The following TCL1A variants were observed in gnomAD, a reference collection of about 807,000 sequenced individuals.
TCL1A encodes T-cell leukemia/lymphoma protein 1A.
In TCL1A, 9 loss-of-function variants were observed where a neutral mutation model predicts 16.9. That is an observed-to-expected ratio of 0.53 (90% CI 0.32 to 0.93). The LOEUF (loss-of-function observed/expected upper bound fraction) is 0.93, where lower values mean the gene tolerates loss of function less well. TCL1A is among the 40% of genes least tolerant of loss of function. TCL1A has a pLI of 0.04. For missense variants in TCL1A, 139 were observed against 153.0 expected (o/e 0.91, Z 0.48); for synonymous variants, 69 against 63.2 (o/e 1.09, Z -0.44).
At chr14:95,712,779 A>AT in intron 1 of TCL1A, 2 of 804,388 alleles carry the variant, frequency 2.5e-6, no homozygotes, top group Non-Finnish European at 3.5e-6. Flanking sequence ...CTGTATCTAC[A>AT]GGAAAAAAAA....
Position 95,714,069 on chromosome 14 carries a change from CG to C in TCL1A, c.-4del, listed in dbSNP as rs774976994. The C allele has an allele frequency of 5.0e-6, 8 of 1,613,352 alleles. No homozygotes were observed. Among genetic ancestry groups the C allele is most frequent in the Non-Finnish European group, 5.9e-6 (7 of 1,179,966 alleles). On this transcript the variant is annotated 5_prime_UTR_variant, in exon 1 of 4. Coordinates refer to ENST00000402399, the MANE Select transcript of TCL1A (RefSeq NM_021966.3). Reference sequence around the variant, plus strand: ...CCGAGTGTCGGGCACTCGGCCATGGCGTCCTCGGGCCGCCTAAGAAGCAAGA... The same window carrying C: ...CCGAGTGTCGGGCACTCGGCCATGGCTCCTCGGGCCGCCTAAGAAGCAAGA...
chr14:95,712,151 A>G, intron 2 of TCL1A, 69 bp downstream of exon 2: 1 of 1,578,398 alleles, frequency 6.3e-7, no homozygotes, highest in Non-Finnish European at 8.7e-7. Flanking sequence ...AAGATAAACC[A>G]CTAAGGCCAG....
At chr14:95,712,780 G>GA in intron 1 of TCL1A, 5 of 775,540 alleles carry the variant, frequency 6.4e-6, no homozygotes, top group Admixed American at 3.1e-5. Context: ...TGTATCTACA[G>GA]GAAAAAAAAA....
chr14:95,713,998 C>T lies in TCL1A; in HGVS notation c.69G>A (p.Lys23=). ...GCTGCTTCTCGTCCAAATACACGAA[C>T]TTCTCCCAGGCCCACAGGCGGTCCG... ...DHPDRLWAWE[K]FVYLDEKQHA... The change falls in exon 1 of 4, where the codon AAG becomes AAA. Residue 23 remains lysine (K), a synonymous_variant. Coordinates refer to ENST00000402399, the MANE Select transcript of TCL1A (RefSeq NM_021966.3). 6.2e-7 allele frequency: 1 copy of T among 1,614,176 alleles called. No individual in the cohort carries two copies. The highest frequency in any genetic ancestry group is 8.5e-7 in the Non-Finnish European group (1 of 1,180,036).
chr14:95,713,727 C>T (rs1886462405), intron 1 of TCL1A, among the ~76,000 whole-genome samples: 1 of 152,312 alleles, frequency 6.6e-6, no homozygotes, highest in Non-Finnish European at 1.5e-5. Context: ...GGCACTGGGT[C>T]CACCCCTTTG....
chr14:95,713,433 C>A (rs903797665), intron 1 of TCL1A, among the ~76,000 whole-genome samples: 3 of 152,180 alleles, frequency 2.0e-5, no homozygotes, highest in Admixed American at 2.0e-4. Context: ...AATATTGATT[C>A]AATACCGGCG....
chr14:95,714,072 C>T lies in TCL1A; in HGVS notation c.-6G>A, dbSNP rs1030730682. Reference sequence around the variant, plus strand: ...AGTGTCGGGCACTCGGCCATGGCGTCCTCGGGCCGCCTAAGAAGCAAGAGC... The same window carrying T: ...AGTGTCGGGCACTCGGCCATGGCGTTCTCGGGCCGCCTAAGAAGCAAGAGC... On this transcript the variant is annotated 5_prime_UTR_variant, in exon 1 of 4. Coordinates refer to ENST00000402399, the MANE Select transcript of TCL1A (RefSeq NM_021966.3). 9.9e-6 allele frequency: 16 copies of T among 1,613,318 alleles called. No individual in the cohort carries two copies. The highest frequency in any genetic ancestry group is 1.4e-5 in the Non-Finnish European group (16 of 1,179,950).
intron 1 of TCL1A, among the ~76,000 whole-genome samples, 189 bp downstream of exon 1, chr14:95,713,758 T>A (rs1886468300): frequency 6.6e-6 from 1 of 152,196 alleles, no homozygotes; most frequent in Admixed American, 6.5e-5. Context: ...CTTTGCGGTT[T>A]TCCCACCCTT....
Position 95,712,064 on chromosome 14 carries a change from C to G in TCL1A, c.297+156G>C, listed in dbSNP as rs796556290. On this transcript the variant is annotated intron_variant, in intron 2 of 3. Coordinates refer to ENST00000402399, the MANE Select transcript of TCL1A (RefSeq NM_021966.3). ...AGAGACCTCAGAGGATCTATCTTCT[C>G]TCTGGTAAAGTCCTTTAGAAATCTG... The G allele has an allele frequency of 1.1e-4, 110 of 1,026,802 alleles. No homozygotes were observed. The African/African-American group carries it at 1.4e-3, about 13-fold the overall frequency. The allele number at this position is 1,026,802 out of a possible 1,614,324, so 63.6% of individuals were successfully genotyped here.
intron 2 of TCL1A, chr14:95,712,008 G>T: frequency 1.2e-6 from 1 of 864,148 alleles, no homozygotes; most frequent in South Asian, 1.7e-5. Context: ...GCTAGCTGGT[G>T]GCTGGGAGGA....
Position 95,714,031 on chromosome 14 carries a change from G to T in TCL1A, c.36C>A (p.Thr12=), listed in dbSNP as rs1413948025. 1 of 1,613,930 alleles carries T rather than the reference G, an allele frequency of 6.2e-7. No homozygotes were observed. Among genetic ancestry groups the T allele is most frequent in the African/African-American group, 1.3e-5 (1 of 74,948 alleles). ...AGGCCCACAGGCGGTCCGGGTGGTCGGTGACTGCCTCCCCGAGTGTCGGGC... is the reference window on the plus strand; with the variant it reads ...AGGCCCACAGGCGGTCCGGGTGGTCTGTGACTGCCTCCCCGAGTGTCGGGC... ...AECPTLGEAV[T]DHPDRLWAWE... Residue 12 remains threonine (T), a synonymous_variant, in exon 1 of 4, where the codon ACC becomes ACA. Transcript: ENST00000402399.
At position 95,710,597 on chromosome 14, in the gene TCL1A, CT is replaced by C; in HGVS notation, c.*290del. On this transcript the variant is annotated 3_prime_UTR_variant, in exon 4 of 4. Coordinates refer to ENST00000402399, the MANE Select transcript of TCL1A (RefSeq NM_021966.3). The stretch of plus-strand genomic sequence containing the variant: ...AAAGAGGCTGAAGACCATCATCCAG[CT>C]GAGAAAAGCCGAGGCACAGGTATAG... 1 of 152,654 alleles carries C rather than the reference CT, an allele frequency of 6.6e-6. No homozygotes were observed. Among genetic ancestry groups the C allele is most frequent in the African/African-American group, 2.4e-5 (1 of 41,556 alleles). 9.5% of individuals were successfully genotyped at this position (152,654 alleles called of 1,614,324 possible). A position where few individuals can be genotyped will look rare whatever the true frequency, so the allele number is the denominator to read the frequency against.
At chr14:95,713,905 C>A (rs1122138) in intron 1 of TCL1A, 42 bp downstream of exon 1, 266,789 of 1,607,004 alleles carry the variant, frequency 0.17, 23,904 homozygotes, top group African/African-American at 0.35. Context: ...CTCCCAGGGG[C>A]TGCCCCTGCT....
intron 1 of TCL1A, among the ~76,000 whole-genome samples, chr14:95,713,224 T>C (rs1886421108): frequency 6.6e-6 from 1 of 152,352 alleles, no homozygotes; most frequent in African/African-American, 2.4e-5. Context: ...TAATTTTTGA[T>C]TGCTACTGGA....
At chr14:95,711,984 G>A in intron 2 of TCL1A, 182 bp from the exon 3 acceptor site, 6 of 900,642 alleles carry the variant, frequency 6.7e-6, no homozygotes, top group Non-Finnish European at 1.0e-5. Flanking sequence ...GCCCACCAGA[G>A]ATGTCTTCCT....
chr14:95,713,266 A>C (rs1886424817), intron 1 of TCL1A, among the ~76,000 whole-genome samples: 1 of 152,176 alleles, frequency 6.6e-6, no homozygotes, highest in African/African-American at 2.4e-5. Flanking sequence ...TTTAATTTTT[A>C]TGCTTTCTTC....
At chr14:95,711,582 G>C in intron 3 of TCL1A, 167 bp downstream of exon 3, 1 of 666,610 alleles carries the variant, frequency 1.5e-6, no homozygotes, top group South Asian at 2.1e-5. Flanking sequence ...GGCTCCCGAA[G>C]TGGTAAGGGA....
chr14:95,711,888 G>A, intron 2 of TCL1A, 86 bp from the exon 3 acceptor site: 5 of 1,533,702 alleles, frequency 3.3e-6, no homozygotes, highest in Non-Finnish European at 4.4e-6. Flanking sequence ...TCCCCTAGCT[G>A]GAAACAGCAG....
chr14:95,713,660 A>C (rs757974541), intron 1 of TCL1A, among the ~76,000 whole-genome samples: 1 of 152,320 alleles, frequency 6.6e-6, no homozygotes, highest in African/African-American at 2.4e-5. Context: ...TTTAAGGATT[A>C]GGACCCCGAA....
Sources: gnomAD v4.1 joint callset for allele counts (sites outside exome capture counted in the v4.1 genomes callset) on GRCh38, gnomAD v4.1.1 for gene constraint, MANE v1.5 for transcripts, NCBI Gene and HGNC (gene_info 2026-07-23, HGNC 2026-07-21) for gene names.